The following NCEH1 variants were observed in gnomAD, a reference collection of about 807,000 sequenced individuals.
The protein encoded by NCEH1 is 2-acetyl MAGE hydrolase.
In NCEH1, 9 loss-of-function variants were observed where a neutral mutation model predicts 25.4. That is an observed-to-expected ratio of 0.35 (90% CI 0.21 to 0.62). The LOEUF (loss-of-function observed/expected upper bound fraction) is 0.62. Ranked by LOEUF, NCEH1 falls within the 20% of genes least tolerant of loss-of-function variation. The pLI is 0.72. For missense variants in NCEH1, 412 were observed against 501.1 expected (o/e 0.82, Z 1.70); for synonymous variants, 200 against 199.8 (o/e 1.00, Z -0.01).
At chr3:172,641,925 T>C (rs1004809331) in intron 3 of NCEH1, among the ~76,000 whole-genome samples, 18 of 152,234 alleles carry the variant, frequency 1.2e-4, no homozygotes, top group African/African-American at 4.3e-4. Context: ...TAGATGTCTC[T>C]GTTACTACTT....
At chr3:172,650,667 C>T (rs895343590) in intron 1 of NCEH1, among the ~76,000 whole-genome samples, 1 of 146,024 alleles carries the variant, frequency 6.8e-6, no homozygotes, top group African/African-American at 2.5e-5. Context: ...AAAAAAATAG[C>T]CAGGCATGGT....
At chr3:172,645,284 A>G (rs1717064228) in intron 3 of NCEH1, among the ~76,000 whole-genome samples, 1 of 152,206 alleles carries the variant, frequency 6.6e-6, no homozygotes, top group Non-Finnish European at 1.5e-5. Flanking sequence ...TCTCAGCTGT[A>G]GAAGAGATTC....
chr3:172,698,869 G>T (rs1488460229), intron 1 of NCEH1, among the ~76,000 whole-genome samples: 1 of 152,216 alleles, frequency 6.6e-6, no homozygotes, highest in East Asian at 1.9e-4. Context: ...TGCCCCTTGC[G>T]ACAGACGCGG....
At chr3:172,691,101 C>G (rs1338976427) in intron 1 of NCEH1, among the ~76,000 whole-genome samples, 1 of 152,170 alleles carries the variant, frequency 6.6e-6, no homozygotes, top group Non-Finnish European at 1.5e-5. Context: ...GCTTACACAA[C>G]TTGTCTGTCT....
intron 1 of NCEH1, among the ~76,000 whole-genome samples, chr3:172,694,611 A>T (rs1713258417): frequency 6.6e-6 from 1 of 152,172 alleles, no homozygotes; most frequent in Non-Finnish European, 1.5e-5. Context: ...TTACGGGTTG[A>T]GACTTTGAAT....
chr3:172,652,147 T>C (rs1717431540), intron 1 of NCEH1, among the ~76,000 whole-genome samples: 1 of 152,074 alleles, frequency 6.6e-6, no homozygotes, highest in South Asian at 2.1e-4. Flanking sequence ...AGATGCAAGG[T>C]ATGTCTAGAA....
intron 1 of NCEH1, among the ~76,000 whole-genome samples, chr3:172,686,713 G>C (rs868385581): frequency 6.6e-6 from 1 of 152,068 alleles, no homozygotes; most frequent in Admixed American, 6.5e-5. Flanking sequence ...GGTGATCCTG[G>C]GCCCTTCCAG....
intron 3 of NCEH1, among the ~76,000 whole-genome samples, chr3:172,644,649 G>T (rs1717031403): frequency 1.3e-5 from 2 of 152,158 alleles, no homozygotes; most frequent in South Asian, 4.1e-4. Flanking sequence ...TTATGAAAAA[G>T]ATATCAAAAT....
At chr3:172,648,558 TC>T (rs1397772630) in intron 1 of NCEH1, among the ~76,000 whole-genome samples, 5 of 152,198 alleles carry the variant, frequency 3.3e-5, no homozygotes, top group Non-Finnish European at 7.3e-5. Context: ...TTCTTTAAAT[TC>T]CTTTGTAACA....
intron 1 of NCEH1, among the ~76,000 whole-genome samples, chr3:172,694,593 C>A (rs1362347911): frequency 6.6e-6 from 1 of 152,198 alleles, no homozygotes; most frequent in Non-Finnish European, 1.5e-5. Flanking sequence ...ATCACTCCAA[C>A]AGACAGGTTA....
chr3:172,704,034 G>A (rs1713844980), intron 1 of NCEH1, among the ~76,000 whole-genome samples: 2 of 152,156 alleles, frequency 1.3e-5, no homozygotes, highest in African/African-American at 2.4e-5. Context: ...ATTATTTACT[G>A]ATGTTTTAAA....
chr3:172,660,778 T>A (rs1560189984), intron 1 of NCEH1, among the ~76,000 whole-genome samples: 2 of 152,226 alleles, frequency 1.3e-5, no homozygotes, highest in African/African-American at 4.8e-5. Flanking sequence ...TGTCTTACTG[T>A]GAGAAGTGTC....
At position 172,664,098 on chromosome 3, in the gene NCEH1, A is replaced by G. The variant is rs550245077; in HGVS notation, c.139-15984T>C. 6.2e-4 allele frequency among the ~76,000 whole-genome samples: 94 copies of G among 152,278 alleles called. 1 individual carries two copies. The Middle Eastern group carries it at 0.02, about 33-fold the overall frequency. ...GCATGTTTTTGCAGTGGCTGGTACC[A>G]GTTGTTCCTTTCCATGTTTAGTGCT... is the stretch of plus-strand genomic sequence containing the variant. On this transcript the variant is annotated intron_variant, in intron 1 of 4. Coordinates refer to ENST00000475381, the MANE Select transcript of NCEH1 (RefSeq NM_020792.6).
chr3:172,637,716 C>T (rs1716657161), intron 3 of NCEH1, among the ~76,000 whole-genome samples: 1 of 152,154 alleles, frequency 6.6e-6, no homozygotes, highest in Admixed American at 6.5e-5. Flanking sequence ...TGGTGAAAAC[C>T]CGTTTCTACT....
chr3:172,669,226 G>A (rs1179286922), intron 1 of NCEH1, among the ~76,000 whole-genome samples: 1 of 152,162 alleles, frequency 6.6e-6, no homozygotes, highest in Non-Finnish European at 1.5e-5. Context: ...TGTTCGTGTG[G>A]GCAGGGCAAC....
intron 3 of NCEH1, among the ~76,000 whole-genome samples, chr3:172,642,617 A>G (rs1286931932): frequency 1.3e-5 from 2 of 151,540 alleles, no homozygotes; most frequent in South Asian, 2.1e-4. Context: ...AAAAAAAAAA[A>G]AAAAAAAGAA....
intron 1 of NCEH1, among the ~76,000 whole-genome samples, chr3:172,656,834 C>G (rs966414312): frequency 1.3e-5 from 2 of 152,076 alleles, no homozygotes; most frequent in African/African-American, 4.8e-5. Flanking sequence ...TGGCTTCAGC[C>G]CCATATGTCT....
chr3:172,666,249 C>T (rs1011908688), intron 1 of NCEH1, among the ~76,000 whole-genome samples: 1 of 152,178 alleles, frequency 6.6e-6, no homozygotes, highest in African/African-American at 2.4e-5. Context: ...GTGTGTGCCA[C>T]GTGTCATGGC....
intron 1 of NCEH1, among the ~76,000 whole-genome samples, chr3:172,670,935 C>G (rs978145093): frequency 6.6e-6 from 1 of 152,118 alleles, no homozygotes; most frequent in Non-Finnish European, 1.5e-5. Flanking sequence ...TAAATGACTT[C>G]CCAGAGAAAT....
Sources: allele counts gnomAD v4.1 joint callset (sites outside exome capture counted in the v4.1 genomes callset), GRCh38; gene constraint gnomAD v4.1.1; transcripts MANE v1.5; gene names NCBI Gene and HGNC (gene_info 2026-07-23, HGNC 2026-07-21).